Variants in TNFSF4 observed in about 807,000 individuals in gnomAD.
TNFSF4 encodes TNF superfamily member 4.
Under a neutral mutation model 7.3 loss-of-function variants are expected in TNFSF4, and 4 were observed. That is an observed-to-expected ratio of 0.55 (90% CI 0.27 to 1.25). TNFSF4 has a LOEUF of 1.25. Among genes scored for constraint, TNFSF4 ranks in the 50% most tolerant of loss-of-function variants. The pLI is 0.12. For synonymous variants in TNFSF4, 76 were observed against 83.7 expected (o/e 0.91, Z 0.50); for missense variants, 181 against 208.8 (o/e 0.87, Z 0.82).
the TNFSF4 span, chr1:173,351,608 G>A: frequency 4.6e-6 from 1 of 218,064 alleles, no homozygotes; most frequent in African/African-American, 2.3e-5. Flanking sequence ...AAACTAATGA[G>A]AACAAAGATA....
At chr1:173,382,282 C>G in the TNFSF4 span, among the ~76,000 whole-genome samples, 1 of 152,134 alleles carries the variant, frequency 6.6e-6, no homozygotes, top group Admixed American at 6.5e-5. Flanking sequence ...CTCCTGAAAT[C>G]AAGCTAGACC....
At chr1:173,448,764 T>A in the TNFSF4 span, among the ~76,000 whole-genome samples, 3 of 152,146 alleles carry the variant, frequency 2.0e-5, no homozygotes, top group Non-Finnish European at 4.4e-5. Context: ...GGCAGGGCAT[T>A]TTCACTTCTT....
chr1:173,188,539 T>C lies in TNFSF4; in HGVS notation c.184A>G (p.Ile62Val), dbSNP rs1474603899. ...VSHRYPRIQS[I>V]KVQFTEYKKE... ...TACTTACCGGTAAATTGTACTTTGA[T>C]ACTTTGAATTCGAGGATACCGATGT... The change falls in exon 2 of 3, where the codon ATC becomes GTC. Residue 62 changes from isoleucine (I) to valine (V), a missense_variant. Ile to Val is a conservative substitution (Grantham distance 29, BLOSUM62 3). Coordinates refer to ENST00000281834, the MANE Select transcript of TNFSF4 (RefSeq NM_003326.5). 3 of 1,612,244 alleles carry C rather than the reference T, an allele frequency of 1.9e-6. No individual in the cohort carries two copies. The highest frequency in any genetic ancestry group is 2.5e-6 in the Non-Finnish European group (3 of 1,178,574).
At chr1:173,381,947 C>T in the TNFSF4 span, among the ~76,000 whole-genome samples, 1 of 152,206 alleles carries the variant, frequency 6.6e-6, no homozygotes, top group Non-Finnish European at 1.5e-5. Flanking sequence ...GTGCACCAAT[C>T]AGTGCTCTGT....
chr1:173,380,429 T>TTA, the TNFSF4 span, among the ~76,000 whole-genome samples: 1 of 152,084 alleles, frequency 6.6e-6, no homozygotes, highest in South Asian at 2.1e-4. Flanking sequence ...ATCAGTGTAA[T>TTA]TACACCCTAC....
the TNFSF4 span, among the ~76,000 whole-genome samples, chr1:173,222,781 T>C: frequency 3.3e-5 from 5 of 152,254 alleles, no homozygotes; most frequent in Admixed American, 2.6e-4. Context: ...AAAGGTGAAA[T>C]GAAAATATGA....
At chr1:173,219,471 A>G in the TNFSF4 span, among the ~76,000 whole-genome samples, 1 of 152,190 alleles carries the variant, frequency 6.6e-6, no homozygotes, top group East Asian at 1.9e-4. Context: ...AAACTAGTAG[A>G]GATTCCGTAA....
the TNFSF4 span, among the ~76,000 whole-genome samples, chr1:173,177,507 G>GA: frequency 6.6e-6 from 1 of 152,066 alleles, no homozygotes; most frequent in Non-Finnish European, 1.5e-5. Flanking sequence ...CATGGGTGAC[G>GA]AAAAAATCTG....
chr1:173,294,718 G>A, the TNFSF4 span, among the ~76,000 whole-genome samples: 150,741 of 152,122 alleles, frequency 0.99, 74,694 homozygotes, highest in East Asian at 1. Flanking sequence ...CTGAAATGGG[G>A]CAAACAATAG....
At chr1:173,182,761 A>C (rs1649077856), downstream of TNFSF4, among the ~76,000 whole-genome samples, 1 of 152,230 alleles carries the variant, frequency 6.6e-6, no homozygotes, top group South Asian at 2.1e-4. Context: ...CATTGATTGA[A>C]GGCACAAGAA....
chr1:173,197,179 A>G (rs990312620), intron 1 of TNFSF4, among the ~76,000 whole-genome samples: 2 of 152,226 alleles, frequency 1.3e-5, no homozygotes, highest in African/African-American at 4.8e-5. Context: ...GAAGCAACAG[A>G]TGCTGGTGAG....
the TNFSF4 span, among the ~76,000 whole-genome samples, chr1:173,381,412 C>A: frequency 1.3e-5 from 2 of 152,230 alleles, no homozygotes; most frequent in Non-Finnish European, 2.9e-5. Flanking sequence ...TGGAGTTGGG[C>A]AACATGGCTT....
the TNFSF4 span, among the ~76,000 whole-genome samples, chr1:173,321,094 G>A: frequency 7.2e-5 from 11 of 152,222 alleles, no homozygotes; most frequent in Admixed American, 5.2e-4. Context: ...CAAGGCTACA[G>A]TAACCAAAGC....
the TNFSF4 span, among the ~76,000 whole-genome samples, chr1:173,426,026 G>A: frequency 6.6e-6 from 1 of 152,218 alleles, no homozygotes; most frequent in African/African-American, 2.4e-5. Context: ...TCAAGTGCAT[G>A]GAGCATCACA....
At chr1:173,354,428 A>G in the TNFSF4 span, among the ~76,000 whole-genome samples, 3,730 of 151,842 alleles carry the variant, frequency 0.025, 176 homozygotes, top group African/African-American at 0.086. Flanking sequence ...AAGAGCTGGT[A>G]CCATTCCTAC....
chr1:173,347,415 C>T, the TNFSF4 span, among the ~76,000 whole-genome samples: 1 of 152,322 alleles, frequency 6.6e-6, no homozygotes, highest in Non-Finnish European at 1.5e-5. Flanking sequence ...TACCCTTACA[C>T]TACCTCTGCC....
the TNFSF4 span, among the ~76,000 whole-genome samples, chr1:173,367,903 A>G: frequency 6.6e-6 from 1 of 152,108 alleles, no homozygotes; most frequent in Non-Finnish European, 1.5e-5. Flanking sequence ...TTGAGTGGGG[A>G]CTTGGGGAAC....
the TNFSF4 span, among the ~76,000 whole-genome samples, chr1:173,177,177 C>T: frequency 1.3e-5 from 2 of 151,886 alleles, no homozygotes; most frequent in Admixed American, 6.6e-5. Context: ...TATTTTACCA[C>T]TGAATTTTTA....
chr1:173,189,192 C>T (rs543390635), intron 1 of TNFSF4, among the ~76,000 whole-genome samples: 1 of 152,238 alleles, frequency 6.6e-6, no homozygotes, highest in East Asian at 1.9e-4. Flanking sequence ...CTCACTGTGC[C>T]CCAATTTCCC....
Sources: allele counts gnomAD v4.1 joint callset (sites outside exome capture counted in the v4.1 genomes callset), GRCh38; gene constraint gnomAD v4.1.1; transcripts MANE v1.5; gene names NCBI Gene and HGNC (gene_info 2026-07-23, HGNC 2026-07-21).